Variants in YAF2 observed in about 807,000 individuals in gnomAD.
YAF2 encodes the protein YY1-associated factor 2.
In YAF2, 7 loss-of-function variants were observed where a neutral mutation model predicts 20.1. The ratio of observed to expected loss-of-function variants is 0.35; its 90% CI spans 0.20 to 0.65. YAF2 has a LOEUF of 0.65. Ranked by LOEUF, YAF2 falls within the 30% of genes least tolerant of loss-of-function variation. The pLI is 0.69. For synonymous variants in YAF2, 74 were observed against 76.0 expected, an observed-to-expected ratio of 0.97 and a Z score of 0.14; for missense variants, 151 against 219.2, an observed-to-expected ratio of 0.69 and a Z score of 1.96.
intron 2 of YAF2, chr12:42,234,216 AAAGAAAAG>A (rs2068073338): frequency 2.2e-6 from 2 of 918,480 alleles, no homozygotes; most frequent in African/African-American, 5.0e-5. Flanking sequence ...AAAGAAAAGA[AAAGAAAAG>A]AAAAGAAAGA....
intron 2 of YAF2, among the ~76,000 whole-genome samples, chr12:42,166,263 T>TG (rs1437484753): frequency 1.3e-5 from 2 of 152,216 alleles, no homozygotes; most frequent in African/African-American, 2.4e-5. Flanking sequence ...TACCACTTCT[T>TG]GGACTTGTAT....
intron 2 of YAF2, among the ~76,000 whole-genome samples, chr12:42,200,503 A>G (rs1413343054): frequency 6.6e-6 from 1 of 152,196 alleles, no homozygotes; most frequent in Admixed American, 6.5e-5. Context: ...GATTAAAACA[A>G]CAAAGGTCAA....
intron 2 of YAF2, chr12:42,231,503 AAC>A (rs1262645838): frequency 6.6e-6 from 1 of 152,192 alleles, no homozygotes; most frequent in African/African-American, 2.4e-5. Context: ...ACTACATAAA[AAC>A]ACAGTTGTTT....
intron 2 of YAF2, among the ~76,000 whole-genome samples, chr12:42,170,020 A>G (rs1281372052): frequency 6.6e-6 from 1 of 151,780 alleles, no homozygotes; most frequent in Non-Finnish European, 1.5e-5. Context: ...ACAGGCACGC[A>G]TCACCACACC....
chr12:42,194,948 T>C (rs945206836), intron 2 of YAF2, among the ~76,000 whole-genome samples: 1 of 152,232 alleles, frequency 6.6e-6, no homozygotes, highest in Non-Finnish European at 1.5e-5. Flanking sequence ...GACAACACTT[T>C]ATAGACATAC....
chr12:42,225,418 A>G (rs1331263814), intron 2 of YAF2, among the ~76,000 whole-genome samples: 2 of 152,142 alleles, frequency 1.3e-5, no homozygotes, highest in Admixed American at 1.3e-4. Context: ...TTGGTGTTTT[A>G]GTCATGAAGT....
chr12:42,235,795 C>T (rs1258467138), intron 2 of YAF2: 1 of 1,535,994 alleles, frequency 6.5e-7, no homozygotes, highest in Non-Finnish European at 8.7e-7. Context: ...CCATGTGGGC[C>T]TCAAGCCTCT....
At chr12:42,237,564 C>A (rs766274157) in intron 2 of YAF2, 35 bp downstream of exon 2, 2 of 1,489,098 alleles carry the variant, frequency 1.3e-6, no homozygotes, top group Non-Finnish European at 1.8e-6. Flanking sequence ...GCCACCCCGC[C>A]GGCCGGCGGC....
intron 1 of YAF2, 124 bp from the exon 2 acceptor site, chr12:42,237,848 C>T (rs2068229686): frequency 1.2e-6 from 1 of 868,698 alleles, no homozygotes. Flanking sequence ...GCCCCGCGGG[C>T]CCTCGGCGCG....
chr12:42,226,456 G>A (rs2067699383), intron 2 of YAF2, among the ~76,000 whole-genome samples: 1 of 152,130 alleles, frequency 6.6e-6, no homozygotes, highest in African/African-American at 2.4e-5. Flanking sequence ...TGGCCCAGGA[G>A]TTCGAGACCA....
At chr12:42,218,535 T>G (rs2067427357) in intron 2 of YAF2, among the ~76,000 whole-genome samples, 1 of 152,148 alleles carries the variant, frequency 6.6e-6, no homozygotes, top group African/African-American at 2.4e-5. Context: ...TTTTAAAAAA[T>G]GTATTATTTT....
At chr12:42,218,014 G>A (rs1198888652) in intron 2 of YAF2, among the ~76,000 whole-genome samples, 1 of 152,092 alleles carries the variant, frequency 6.6e-6, no homozygotes, top group Non-Finnish European at 1.5e-5. Flanking sequence ...CTTGAAAACA[G>A]ATGTACTCTT....
rs376578389 is a variant in YAF2, at chr12:42,160,655, C to G, written c.477G>C (p.Glu159Asp). 2.5e-6 allele frequency: 4 copies of G among 1,613,818 alleles called. No individual in the cohort carries two copies. The highest frequency in any genetic ancestry group is 3.4e-6 in the Non-Finnish European group (4 of 1,179,864). ...GTGAAGATGACCTGGACATTCCTCTCTCTGTGTTATCAGAGCTAGAGCCGC... is the reference window on the plus strand; with the variant it reads ...GTGAAGATGACCTGGACATTCCTCTGTCTGTGTTATCAGAGCTAGAGCCGC... Reference protein sequence around the residue: ...SQSGSSSDNTERGMSRSSSPR... With the variant: ...SQSGSSSDNTDRGMSRSSSPR... Residue 159 changes from glutamate (E) to aspartate (D), a missense_variant, in exon 4 of 4, where the codon GAG (glutamate) becomes GAC (aspartate). Glu to Asp is a conservative substitution (Grantham distance 45, BLOSUM62 2). Transcript: ENST00000534854.
chr12:42,214,741 C>T (rs2067305867), intron 2 of YAF2, among the ~76,000 whole-genome samples: 1 of 151,988 alleles, frequency 6.6e-6, no homozygotes, highest in Non-Finnish European at 1.5e-5. Flanking sequence ...CAGTGGCTCA[C>T]TCCTGTAATT....
intron 2 of YAF2, chr12:42,233,057 A>C: frequency 1.0e-6 from 1 of 985,382 alleles, no homozygotes; most frequent in Non-Finnish European, 1.2e-6. Context: ...CTAGTATCCA[A>C]CTCAGCCCTT....
At chr12:42,187,123 C>T (rs1000617087) in intron 2 of YAF2, among the ~76,000 whole-genome samples, 3 of 151,814 alleles carry the variant, frequency 2.0e-5, no homozygotes, top group Admixed American at 1.3e-4. Flanking sequence ...ATTATTATTA[C>T]TATTTTATAT....
At chr12:42,196,330 A>C (rs918472066) in intron 2 of YAF2, among the ~76,000 whole-genome samples, 2 of 152,188 alleles carry the variant, frequency 1.3e-5, no homozygotes, top group African/African-American at 4.8e-5. Context: ...CATCACCTAT[A>C]AGTGGGTGGC....
intron 2 of YAF2, among the ~76,000 whole-genome samples, chr12:42,175,271 A>G (rs2066151206): frequency 6.6e-6 from 1 of 152,216 alleles, no homozygotes; most frequent in African/African-American, 2.4e-5. Flanking sequence ...TACACACTGT[A>G]TGATTCCATT....
chr12:42,178,494 T>C (rs2066255216), intron 2 of YAF2, among the ~76,000 whole-genome samples: 3 of 152,196 alleles, frequency 2.0e-5, no homozygotes, highest in Non-Finnish European at 4.4e-5. Flanking sequence ...CCTTATCTAC[T>C]CTAGTATTAT....
Sources: allele counts gnomAD v4.1 joint callset (sites outside exome capture counted in the v4.1 genomes callset), GRCh38; gene constraint gnomAD v4.1.1; transcripts MANE v1.5; gene names NCBI Gene and HGNC (gene_info 2026-07-23, HGNC 2026-07-21).